Variants in SART3 observed in about 807,000 individuals in gnomAD.
The protein encoded by SART3 is spliceosome associated factor 3, U4/U6 recycling protein.
A neutral mutation model predicts 122.3 loss-of-function variants in SART3; 44 were observed. The observed-to-expected ratio is 0.36, with a 90% CI of 0.28 to 0.46. SART3 has a LOEUF of 0.46. Ranked by LOEUF, SART3 falls within the 20% of genes least tolerant of loss-of-function variation. The pLI is 1.00. For missense variants in SART3, 1,101 were observed against 1,229.0 expected (o/e 0.90, Z 1.56); for synonymous variants, 442 against 454.0 (o/e 0.97, Z 0.34).
chr12:108,536,427 G>A lies in SART3; in HGVS notation c.1446+87C>T, dbSNP rs1872907197. On this transcript the variant is annotated intron_variant, in intron 11 of 18. Coordinates refer to ENST00000546815, the MANE Select transcript of SART3 (RefSeq NM_014706.4). ...CTTATAGAGCTTAGGCCATTATCTGGGATTCTGACTCAATTTTAATTAAAG... is the reference window on the plus strand; with the variant it reads ...CTTATAGAGCTTAGGCCATTATCTGAGATTCTGACTCAATTTTAATTAAAG... The A allele has an allele frequency of 2.3e-6, 3 of 1,294,740 alleles. No individual in the cohort carries two copies. The South Asian group carries it at 3.5e-5, about 15-fold the overall frequency. 80.2% of individuals were successfully genotyped at this position (1,294,740 alleles called of 1,614,324 possible). A position where few individuals can be genotyped will look rare whatever the true frequency, so the allele number is the denominator to read the frequency against.
chr12:108,538,220 C>G lies in SART3; in HGVS notation c.1063-17G>C. ...TTGTCGATCCTATGATAAAGAATTC[C>G]AGAGTTAGGAAATTACACTTTATTA... On this transcript the variant is annotated splice_polypyrimidine_tract_variant and intron_variant, in intron 7 of 18. Coordinates refer to ENST00000546815, the MANE Select transcript of SART3 (RefSeq NM_014706.4). 1 of 1,613,886 alleles carries G rather than the reference C, an allele frequency of 6.2e-7. No individual in the cohort carries two copies. The highest frequency in any genetic ancestry group is 1.1e-5 in the South Asian group (1 of 91,068).
intron 3 of SART3, among the ~76,000 whole-genome samples, chr12:108,546,566 G>A (rs1873431067): frequency 6.7e-6 from 1 of 148,348 alleles, no homozygotes; most frequent in African/African-American, 2.5e-5. Context: ...TGTCGCCAAG[G>A]CTGGAGTACA....
chr12:108,557,839 C>T (rs749175242), intron 1 of SART3, among the ~76,000 whole-genome samples: 4 of 152,174 alleles, frequency 2.6e-5, no homozygotes, highest in Non-Finnish European at 4.4e-5. Context: ...TTTTGTTAGA[C>T]AGATACCACA....
rs2030505147 is a variant in SART3 at position 108,560,905 on chromosome 12, C to T, written c.250G>A (p.Glu84Lys). ...TCCTCCTCTTCGTCATATTCCCACT[C>T]GTACTCCCCGGGGGAGCTCTCCGCG... ...SSAESSPGEY[E>K]WEYDEEEEKN... The change falls in exon 1 of 19, where the codon GAG (glutamate) becomes AAG (lysine). Residue 84 changes from glutamate (E) to lysine (K), a missense_variant. Around this residue, in one of 2 missense-constraint regions of SART3, gnomAD observed 216 missense variants for 148.9 expected, o/e 1.45. Transcript: ENST00000546815. The T allele has an allele frequency of 1.2e-6, 2 of 1,613,282 alleles. No homozygotes were observed. The highest frequency in any genetic ancestry group is 2.7e-5 in the African/African-American group (2 of 75,034).
intron 4 of SART3, 143 bp from the exon 5 acceptor site, chr12:108,544,621 T>A: frequency 8.7e-7 from 1 of 1,153,164 alleles, no homozygotes; most frequent in Non-Finnish European, 1.3e-6. Context: ...GGCTGGAGTG[T>A]GGTGGTGTGA....
Position 108,524,296 on chromosome 12 carries a change from T to C in SART3, c.2714+20A>G. 1 of 1,607,586 alleles carries C rather than the reference T, an allele frequency of 6.2e-7. No individual in the cohort carries two copies. The highest frequency in any genetic ancestry group is 8.5e-7 in the Non-Finnish European group (1 of 1,175,592). Reference sequence around the variant, plus strand: ...CCAGCCAGGACGAAGTTTGCACTAGTCTACCATGCAAGCACTTACGCTCCG... The same window carrying C: ...CCAGCCAGGACGAAGTTTGCACTAGCCTACCATGCAAGCACTTACGCTCCG... On this transcript the variant is annotated intron_variant, in intron 18 of 18. Coordinates refer to ENST00000546815, the MANE Select transcript of SART3 (RefSeq NM_014706.4).
chr12:108,560,775 G>C, intron 1 of SART3, 68 bp downstream of exon 1: 1 of 1,409,800 alleles, frequency 7.1e-7, no homozygotes. Context: ...CTAGGGAGGC[G>C]GGCCAGGACA....
At position 108,549,205 on chromosome 12, in the gene SART3, T is replaced by G; in HGVS notation, c.322A>C (p.Asn108His). 1 of 1,614,186 alleles carries G rather than the reference T, an allele frequency of 6.2e-7. No homozygotes were observed. Among genetic ancestry groups the G allele is most frequent in the Non-Finnish European group, 8.5e-7 (1 of 1,180,012 alleles). Reference protein sequence around the residue: ...IERLEEQLSINVYDYNCHVDL... With the variant: ...IERLEEQLSIHVYDYNCHVDL... ...ACATGGCAGTTGTAGTCATAGACGT[T>G]GATAGACAACTAACAGGAAAAGAAA... is the stretch of plus-strand genomic sequence containing the variant. The change falls in exon 2 of 19, where the codon AAC (asparagine) becomes CAC (histidine). Residue 108 changes from asparagine (N) to histidine (H), a missense_variant. By Grantham distance (68) the Asn-to-His change is moderately conservative (BLOSUM62 1). Coordinates refer to ENST00000546815, the MANE Select transcript of SART3 (RefSeq NM_014706.4).
chr12:108,524,942 A>G, intron 17 of SART3: 1 of 303,624 alleles, frequency 3.3e-6, no homozygotes, highest in Non-Finnish European at 6.3e-6. Context: ...ACCTGGATAA[A>G]GGGGAGGGAG....
chr12:108,547,009 G>A (rs1310736216), intron 3 of SART3, among the ~76,000 whole-genome samples: 1 of 152,050 alleles, frequency 6.6e-6, no homozygotes, highest in Non-Finnish European at 1.5e-5. Context: ...TAGCAGAGAC[G>A]GGGTTTTGCC....
chr12:108,523,384 G>T lies in SART3; in HGVS notation c.*73C>A, dbSNP rs12833341. On this transcript the variant is annotated 3_prime_UTR_variant, in exon 19 of 19. Transcript: ENST00000546815. Reference sequence around the variant, plus strand: ...AGCACACCAGGCCTGTCCATCCCCAGTGCACTGCTGGGTGGTGGGAGGTCC... The same window carrying T: ...AGCACACCAGGCCTGTCCATCCCCATTGCACTGCTGGGTGGTGGGAGGTCC... 0.039 allele frequency: 58,401 copies of T among 1,504,130 alleles called. 1,420 individuals are homozygous for T. The highest frequency in any genetic ancestry group is 0.048 in the Non-Finnish European group (52,019 of 1,081,716). The allele number at this position is 1,504,130 out of a possible 1,614,324, so 93.2% of individuals were successfully genotyped here.
intron 18 of SART3, chr12:108,523,926 TCTC>T: frequency 1.7e-6 from 1 of 573,348 alleles, no homozygotes; most frequent in Non-Finnish European, 3.1e-6. Flanking sequence ...AATTCTGCTA[TCTC>T]CTCCTCATCC....
chr12:108,531,894 G>A (rs912685178), intron 13 of SART3: 1 of 365,092 alleles, frequency 2.7e-6, no homozygotes, highest in Admixed American at 3.8e-5. Context: ...TGGTTGTCAT[G>A]TTTGGTTGTG....
Position 108,561,150 on chromosome 12 carries a change from G to A in SART3, c.5C>T (p.Ala2Val), listed in dbSNP as rs995082868. Residue 2 changes from alanine to valine, a missense_variant, in exon 1 of 19, where the codon GCG becomes GTG. By Grantham distance (64) the Ala-to-Val change is moderately conservative (BLOSUM62 0). Coordinates refer to ENST00000546815, the MANE Select transcript of SART3 (RefSeq NM_014706.4). M[A>V]TAAETSASEP... Reference sequence around the variant, plus strand: ...TGAAGCCGAGGTTTCGGCCGCAGTCGCCATCTTGCGCTTCTAATGACTCTC... The same window carrying A: ...TGAAGCCGAGGTTTCGGCCGCAGTCACCATCTTGCGCTTCTAATGACTCTC... The A allele has an allele frequency of 1.9e-6, 3 of 1,613,094 alleles. No individual in the cohort carries two copies. The highest frequency in any genetic ancestry group is 2.5e-6 in the Non-Finnish European group (3 of 1,179,110).
At chr12:108,557,206 G>GTTTTTTTT (rs71076787) in intron 1 of SART3, among the ~76,000 whole-genome samples, 15 of 82,952 alleles carry the variant, frequency 1.8e-4, no homozygotes, top group African/African-American at 3.2e-4. Flanking sequence ...TAATGACATA[G>GTTTTTTTT]TTTTTTTTTT....
Position 108,526,456 on chromosome 12 carries a change from A to T in SART3, c.2013T>A (p.Ala671=), listed in dbSNP as rs752161107. 1.9e-6 allele frequency: 3 copies of T among 1,614,218 alleles called. No homozygotes were observed. Among genetic ancestry groups the T allele is most frequent in the South Asian group, 2.2e-5 (2 of 91,088 alleles). ...TCGAAGGGGGCTCCACATCTACGGC[A>T]GCACATTTCCCAGCGGGCCCTGCTG... ...EVAAGPAGKC[A]AVDVEPPSKQ... The change falls in exon 16 of 19, where the codon GCT becomes GCA. Residue 671 remains alanine, a synonymous_variant. Transcript: ENST00000546815.
intron 17 of SART3, 43 bp downstream of exon 17, chr12:108,525,414 G>A: frequency 6.2e-7 from 1 of 1,611,586 alleles, no homozygotes; most frequent in Non-Finnish European, 8.5e-7. Context: ...AACGAAGTTT[G>A]CCCAAGCCTT....
At chr12:108,524,556 G>T in intron 17 of SART3, 50 bp from the exon 18 acceptor site, 1 of 1,552,808 alleles carries the variant, frequency 6.4e-7, no homozygotes, top group Non-Finnish European at 8.9e-7. Context: ...GACTAGGGAC[G>T]CAACCTCCTC....
chr12:108,548,983 G>T, intron 2 of SART3, 105 bp downstream of exon 2: 1 of 1,553,424 alleles, frequency 6.4e-7, no homozygotes, highest in South Asian at 1.1e-5. Flanking sequence ...CCACTACACT[G>T]AACGTTCCAG....
Sources: allele counts gnomAD v4.1 joint callset (sites outside exome capture counted in the v4.1 genomes callset), GRCh38; gene constraint gnomAD v4.1.1; regional missense constraint gnomAD v4.1.1; transcripts MANE v1.5; gene names NCBI Gene and HGNC (gene_info 2026-07-23, HGNC 2026-07-21).